TENT5D: variants seen among roughly 807,000 people sequenced by gnomAD.
The protein encoded by TENT5D is terminal nucleotidyltransferase 5D.
For synonymous variants in TENT5D, 103 were observed against 100.6 expected (o/e 1.02, Z -0.15); for missense variants, 191 against 287.0 (o/e 0.67, Z 2.42).
chrX:80,384,565 T>C (rs1417642491), intron 3 of TENT5D, among the ~76,000 whole-genome samples: 1 of 80,115 alleles, frequency 1.2e-5, no homozygotes, highest in Non-Finnish European at 2.4e-5. Context: ...GTGTTGGAAG[T>C]TCTGGCCAGG....
chrX:80,443,652 C>T, exon 3 of TENT5D: 5 of 1,206,547 alleles, frequency 4.1e-6, no homozygotes, highest in African/African-American at 1.7e-5. Context: ...AGCCACCCCC[C>T]GTTAGCTTCC....
At chrX:80,365,191 T>C (rs1196394987) in intron 3 of TENT5D, among the ~76,000 whole-genome samples, 3 of 112,078 alleles carry the variant, frequency 2.7e-5, no homozygotes, top group Non-Finnish European at 5.6e-5. Flanking sequence ...GATGCTGATA[T>C]TCAAATTTTG....
intron 3 of TENT5D, among the ~76,000 whole-genome samples, chrX:80,351,016 T>C (rs933239157): frequency 1.8e-5 from 2 of 112,055 alleles, no homozygotes; most frequent in Non-Finnish European, 3.8e-5. Flanking sequence ...AGATACGCTG[T>C]TAGTCTGATG....
At chrX:80,370,400 A>G in intron 3 of TENT5D, among the ~76,000 whole-genome samples, 1 of 112,134 alleles carries the variant, frequency 8.9e-6, no homozygotes, top group Middle Eastern at 4.7e-3. Flanking sequence ...ATACATGTTA[A>G]TTGTTGAAAA....
chrX:80,372,731 A>T (rs1344557661), intron 3 of TENT5D, among the ~76,000 whole-genome samples: 1 of 109,736 alleles, frequency 9.1e-6, no homozygotes, highest in Non-Finnish European at 1.9e-5. Context: ...TACTAAAAAT[A>T]CAAAAACTAT....
At chrX:80,404,504 T>C (rs753614587) in intron 3 of TENT5D, among the ~76,000 whole-genome samples, 116 of 112,237 alleles carry the variant, frequency 1.0e-3, no homozygotes, top group African/African-American at 3.5e-3. Flanking sequence ...TTTGTATCAG[T>C]GTGCCTTTGA....
At chrX:80,381,880 G>C (rs766997156) in intron 3 of TENT5D, among the ~76,000 whole-genome samples, 6 of 111,775 alleles carry the variant, frequency 5.4e-5, no homozygotes, top group African/African-American at 1.6e-4. Flanking sequence ...AAGGTTTTTA[G>C]CTTCCTTGCA....
At chrX:80,401,652 A>C (rs1245683938) in intron 3 of TENT5D, among the ~76,000 whole-genome samples, 2 of 111,775 alleles carry the variant, frequency 1.8e-5, no homozygotes, top group African/African-American at 6.5e-5. Context: ...TTCTGCATTT[A>C]ATGAGATGAT....
intron 3 of TENT5D, among the ~76,000 whole-genome samples, chrX:80,405,889 G>A (rs1361318190): frequency 9.0e-6 from 1 of 110,680 alleles, no homozygotes; most frequent in Admixed American, 9.6e-5. Flanking sequence ...CTCCCAGCAC[G>A]CAGCTGAAGA....
chrX:80,419,532 A>G (rs1003955264), upstream of TENT5D, among the ~76,000 whole-genome samples: 6 of 111,880 alleles, frequency 5.4e-5, no homozygotes, highest in Non-Finnish European at 7.5e-5. Flanking sequence ...TCCTATATCT[A>G]CCTATTTGCC....
intron 3 of TENT5D, among the ~76,000 whole-genome samples, chrX:80,393,185 G>C (rs1359399009): frequency 9.0e-6 from 1 of 110,857 alleles, no homozygotes; most frequent in African/African-American, 3.3e-5. Flanking sequence ...TGAGCTTCTT[G>C]AATCTGTGAT....
chrX:80,414,657 T>G (rs1378451734), intron 3 of TENT5D, among the ~76,000 whole-genome samples: 1 of 111,946 alleles, frequency 8.9e-6, no homozygotes. Flanking sequence ...GACAAAAGGT[T>G]GCATTATTGT....
chrX:80,412,417 C>T (rs1448317938), intron 3 of TENT5D, among the ~76,000 whole-genome samples: 2 of 112,327 alleles, frequency 1.8e-5, no homozygotes, highest in South Asian at 3.7e-4. Context: ...TTTCTGCAGC[C>T]GGCCTGAATT....
At chrX:80,409,339 T>G (rs1931583194) in intron 3 of TENT5D, among the ~76,000 whole-genome samples, 1 of 110,456 alleles carries the variant, frequency 9.1e-6, no homozygotes, top group African/African-American at 3.3e-5. Context: ...TGATTGTATA[T>G]CTAGAAAACC....
At chrX:80,385,567 C>G (rs948067897) in intron 3 of TENT5D, among the ~76,000 whole-genome samples, 1 of 111,933 alleles carries the variant, frequency 8.9e-6, no homozygotes, top group African/African-American at 3.2e-5. Flanking sequence ...CCAGAATTGA[C>G]AAATGGGATC....
intron 1 of TENT5D, among the ~76,000 whole-genome samples, chrX:80,432,869 A>G (rs193138743): frequency 4.6e-4 from 51 of 110,872 alleles, no homozygotes; most frequent in African/African-American, 1.6e-3. Flanking sequence ...GAAGGGAAGG[A>G]CTATGCTTAG....
intron 3 of TENT5D, among the ~76,000 whole-genome samples, chrX:80,362,631 C>T (rs771044123): frequency 4.2e-4 from 47 of 110,841 alleles, no homozygotes; most frequent in African/African-American, 1.4e-3. Context: ...ATTTTTTTCC[C>T]GCTTAATTAG....
chrX:80,418,970 C>T (rs1040966953), upstream of TENT5D, among the ~76,000 whole-genome samples: 1 of 111,503 alleles, frequency 9.0e-6, no homozygotes, highest in African/African-American at 3.3e-5. Context: ...CTTTGTTCAT[C>T]ATGTCCATTT....
At chrX:80,382,960 A>G (rs1402798857) in intron 3 of TENT5D, among the ~76,000 whole-genome samples, 1 of 111,879 alleles carries the variant, frequency 8.9e-6, no homozygotes, top group Non-Finnish European at 1.9e-5. Flanking sequence ...GGGTGAGGGG[A>G]TGCCCCACCC....
Sources: allele counts gnomAD v4.1 joint callset (sites outside exome capture counted in the v4.1 genomes callset), GRCh38; gene constraint gnomAD v4.1.1; transcripts MANE v1.5; gene names NCBI Gene and HGNC (gene_info 2026-07-23, HGNC 2026-07-21).